ZFP64: variants seen among roughly 807,000 people sequenced by gnomAD.
ZFP64 encodes the protein ZFP64 zinc finger protein.
Under a neutral mutation model 51.6 loss-of-function variants are expected in ZFP64, and 14 were observed. The ratio of observed to expected loss-of-function variants is 0.27; its 90% CI spans 0.18 to 0.42. The LOEUF is 0.42. ZFP64 is among the 10% of genes least tolerant of loss of function. ZFP64 has a pLI of 1.00. For missense variants in ZFP64, 754 were observed against 906.8 expected, an observed-to-expected ratio of 0.83 and a Z score of 2.16; for synonymous variants, 375 against 361.4, an observed-to-expected ratio of 1.04 and a Z score of -0.43.
intron 1 of ZFP64, among the ~76,000 whole-genome samples, chr20:52,189,234 A>G (rs1423682710): frequency 1.3e-5 from 2 of 151,866 alleles, no homozygotes; most frequent in Non-Finnish European, 2.9e-5. Context: ...CGTCTCTACT[A>G]AAAATACAAA....
chr20:52,156,626 G>A (rs1981344163), intron 5 of ZFP64, among the ~76,000 whole-genome samples: 1 of 152,302 alleles, frequency 6.6e-6, no homozygotes, highest in African/African-American at 2.4e-5. Flanking sequence ...AGGTTTTGTG[G>A]GCTATTACGC....
intron 7 of ZFP64, among the ~76,000 whole-genome samples, chr20:52,091,539 G>A (rs1213069760): frequency 1.3e-5 from 2 of 152,184 alleles, no homozygotes; most frequent in East Asian, 1.9e-4. Context: ...AGAGAGTTCA[G>A]TATGTAGATA....
At chr20:52,174,361 C>A (rs183650096) in intron 2 of ZFP64, among the ~76,000 whole-genome samples, 1 of 151,618 alleles carries the variant, frequency 6.6e-6, no homozygotes, top group Non-Finnish European at 1.5e-5. Context: ...TGGTGGGTAC[C>A]TGTAATCCCA....
chr20:52,105,200 T>C (rs1319933002), intron 5 of ZFP64: 1 of 1,435,806 alleles, frequency 7.0e-7, no homozygotes, highest in Non-Finnish European at 9.0e-7. Flanking sequence ...CTCCTCGGAG[T>C]TGAGGTGCTG....
rs1178738807 is a variant in ZFP64, at chr20:52,152,824, C to T, written c.1368G>A (p.Ser456=). The change falls in exon 6 of 6, where the codon TCG becomes TCA. Residue 456 remains serine, a synonymous_variant. Transcript: ENST00000216923. ...QHSEYSESKN[S]DVTVLQFQID... is the part of the protein sequence containing the mutation. The stretch of plus-strand genomic sequence containing the variant: ...TCTGAAACTGGAGAACGGTCACGTC[C>T]GAGTTCTTACTCTCACTGTACTCAC... 5 of 1,613,798 alleles carry T rather than the reference C, an allele frequency of 3.1e-6. No homozygotes were observed. The Admixed American group carries it at 5.0e-5, about 16-fold the overall frequency.
At chr20:52,097,011 C>A (rs993315443) in intron 7 of ZFP64, 9 of 596,724 alleles carry the variant, frequency 1.5e-5, no homozygotes, top group Non-Finnish European at 3.0e-5. Flanking sequence ...AGCATGCCAA[C>A]AGGCTGAGTT....
At chr20:52,171,476 AC>A (rs199988680) in intron 2 of ZFP64, among the ~76,000 whole-genome samples, 1 of 151,878 alleles carries the variant, frequency 6.6e-6, no homozygotes, top group Admixed American at 6.6e-5. Flanking sequence ...CTGACCTTGG[AC>A]CAATTTGGGT....
In ZFP64 at chr20:52,189,087, TA is replaced by T. The variant is rs552932864; in HGVS notation, c.47-2017del. 5.3e-5 allele frequency among the ~76,000 whole-genome samples: 8 copies of T among 152,306 alleles called. No individual in the cohort carries two copies. The South Asian group carries it at 1.4e-3, about 28-fold the overall frequency. On this transcript the variant is annotated intron_variant, in intron 1 of 5. Coordinates refer to ENST00000216923, the MANE Select transcript of ZFP64 (RefSeq NM_018197.3). ...TCTGCCTACCATGAATATTATAAAA[TA>T]TTTTTTTCCATTCATTTTCTTTACA...
At chr20:52,184,935 ACTCT>A (rs551964431) in intron 2 of ZFP64, among the ~76,000 whole-genome samples, 3 of 151,990 alleles carry the variant, frequency 2.0e-5, no homozygotes, top group African/African-American at 7.2e-5. Context: ...GCCATACCTA[ACTCT>A]CTCTTGACGT....
At chr20:52,147,827 C>T (rs539343529), downstream of ZFP64, among the ~76,000 whole-genome samples, 2 of 152,180 alleles carry the variant, frequency 1.3e-5, no homozygotes, top group Admixed American at 1.3e-4. Context: ...CCAGCCTGGT[C>T]CACATGGCGA....
intron 5 of ZFP64, among the ~76,000 whole-genome samples, chr20:52,155,602 A>C (rs2122972937): frequency 6.6e-6 from 1 of 152,164 alleles, no homozygotes; most frequent in East Asian, 1.9e-4. Context: ...AGAGCTTAAC[A>C]ACGTTTTTTG....
At chr20:52,116,439 T>G (rs1978876579) in intron 5 of ZFP64, among the ~76,000 whole-genome samples, 1 of 143,108 alleles carries the variant, frequency 7.0e-6, no homozygotes, top group African/African-American at 2.6e-5. Flanking sequence ...CCTGGCCATA[T>G]TTCTTTCTTT....
chr20:52,116,058 T>A (rs1447659016), intron 5 of ZFP64, among the ~76,000 whole-genome samples: 1 of 151,786 alleles, frequency 6.6e-6, no homozygotes, highest in African/African-American at 2.4e-5. Flanking sequence ...GGTCTCGAAC[T>A]CCCGACCTCA....
intron 2 of ZFP64, chr20:52,175,861 GC>G: frequency 1.3e-5 from 3 of 238,642 alleles, no homozygotes; most frequent in Non-Finnish European, 1.8e-5. Flanking sequence ...CACCCCCGCT[GC>G]CGCCCCCGCC....
In ZFP64 at chr20:52,085,374, A is replaced by T; in HGVS notation, c.1229-108T>A. 2 of 1,187,308 alleles carry T rather than the reference A, an allele frequency of 1.7e-6. No individual in the cohort carries two copies. Among genetic ancestry groups the T allele is most frequent in the Non-Finnish European group, 2.3e-6 (2 of 859,504 alleles). The allele number at this position is 1,187,308 out of a possible 1,614,324, so 73.5% of individuals were successfully genotyped here. On this transcript the variant is annotated intron_variant, in intron 8 of 8. Coordinates refer to the ZFP64 transcript ENST00000361387. This position sits in a 1 kb window ranked among gnomAD's most constrained non-coding sequence, Gnocchi z 4.3. ...GCCATGAGATGGTTGGGTTTTGTGA[A>T]CTCTAAACCCAACCTCCTAATGACA...
At position 52,144,578 on chromosome 20, in the gene ZFP64, C is replaced by CAAAAAAAAAAAAAAAAAAAA. The variant is rs1156545584; in HGVS notation, c.763+15525_763+15544dup. ...CTGGTGACAGAGCGAGACTCCGTCT[C>CAAAAAAAAAAAAAAAAAAAA]AAAAAAAAAAAAAAAAAAAAAAAAT... On this transcript the variant is annotated intron_variant, in intron 5 of 8. Coordinates refer to the ZFP64 transcript ENST00000361387. Among the ~76,000 whole-genome samples the CAAAAAAAAAAAAAAAAAAAA allele has an allele frequency of 2.3e-3, 53 of 23,316 alleles. 9 individuals are homozygous for CAAAAAAAAAAAAAAAAAAAA. The highest frequency in any genetic ancestry group is 4.3e-3 in the African/African-American group (24 of 5,538). 15.3% of individuals were successfully genotyped at this position (23,316 alleles called of 152,430 possible).
chr20:52,111,654 A>C (rs1338585265), intron 5 of ZFP64, among the ~76,000 whole-genome samples: 3 of 152,192 alleles, frequency 2.0e-5, no homozygotes, highest in Non-Finnish European at 4.4e-5. Flanking sequence ...TTTTGCCAAG[A>C]GATAAACAGC....
At chr20:52,187,451 G>A (rs572376003) in intron 1 of ZFP64, among the ~76,000 whole-genome samples, 8 of 151,868 alleles carry the variant, frequency 5.3e-5, no homozygotes, top group African/African-American at 1.4e-4. Context: ...GTGAAATCCC[G>A]TCTCTACTAA....
chr20:52,169,511 G>C (rs930478899), intron 2 of ZFP64, among the ~76,000 whole-genome samples: 1 of 152,122 alleles, frequency 6.6e-6, no homozygotes, highest in African/African-American at 2.4e-5. Flanking sequence ...GGGCTCCTCA[G>C]CACTCTCTTG....
Sources: allele counts gnomAD v4.1 joint callset (sites outside exome capture counted in the v4.1 genomes callset), GRCh38; gene constraint gnomAD v4.1.1; non-coding constraint Gnocchi (gnomAD v3.1); transcripts MANE v1.5; gene names NCBI Gene and HGNC (gene_info 2026-07-23, HGNC 2026-07-21).